MED12: variants seen among roughly 807,000 people sequenced by gnomAD.
MED12 encodes mediator of RNA polymerase II transcription subunit 12.
Under a neutral mutation model 177.7 loss-of-function variants are expected in MED12, and 10 were observed. The observed-to-expected ratio is 0.06, with a 90% CI of 0.03 to 0.10. MED12 has a LOEUF of 0.10. MED12 is among the 10% of genes least tolerant of loss of function. The pLI is 1.00. For synonymous variants in MED12, 641 were observed against 678.4 expected, an observed-to-expected ratio of 0.94 and a Z score of 0.86; for missense variants, 867 against 1,780.8, an observed-to-expected ratio of 0.49 and a Z score of 9.23.
At position 71,135,169 on chromosome X, in the gene MED12, T is replaced by C. The variant is rs753148075; in HGVS notation, c.4941T>C (p.Asp1647=). ...TGCCACTGCCCAAGCAGACCCGAGA[T>C]GTCATCACGTGTGAGCCACAGGGCT... ...QLLPLPKQTR[D]VITCEPQGSL... Residue 1647 remains aspartate (D), a synonymous_variant, in exon 36 of 45, where the codon GAT becomes GAC. Transcript: ENST00000374080. 16 of 1,209,668 alleles carry C rather than the reference T, an allele frequency of 1.3e-5. No homozygotes were observed. Among genetic ancestry groups the C allele is most frequent in the Non-Finnish European group, 1.8e-5 (16 of 895,066 alleles).
chrX:71,127,347 T>C lies in MED12; in HGVS notation c.2861T>C (p.Val954Ala). 8.3e-7 allele frequency: 1 copy of C among 1,211,523 alleles called. No homozygotes were observed. Among genetic ancestry groups the C allele is most frequent in the Non-Finnish European group, 1.1e-6 (1 of 895,361 alleles). The change falls in exon 21 of 45, where the codon GTC becomes GCC. Residue 954 changes from valine (V) to alanine (A), a missense_variant. Val to Ala is a moderately conservative substitution (Grantham distance 64). This residue lies in a region of MED12 where 70 missense variants were observed against 143.6 expected (regional missense o/e 0.49). Transcript: ENST00000374080. ...GCTTCTTCATGCAGGCTGTGTGGCG[T>C]CGTGAAGCATGGGATGAACCGGTCC... ...MAQVFEGLCG[V>A]VKHGMNRSDG...
chrX:71,129,968 A>T, intron 27 of MED12, 67 bp from the exon 28 acceptor site: 2 of 1,179,155 alleles, frequency 1.7e-6, no homozygotes, highest in Non-Finnish European at 2.3e-6. Context: ...TAACAACTCC[A>T]GCCCATCCCC....
intron 13 of MED12, 88 bp downstream of exon 13, chrX:71,124,476 T>C: frequency 1.3e-6 from 1 of 742,405 alleles, no homozygotes; most frequent in African/African-American, 2.1e-5. Flanking sequence ...CTCTTTTGCC[T>C]GGGGGAGGGG....
intron 24 of MED12, 44 bp from the exon 25 acceptor site, chrX:71,129,070 A>T (rs773786523): frequency 9.5e-7 from 1 of 1,053,315 alleles, no homozygotes; most frequent in Admixed American, 2.2e-5. Flanking sequence ...ACCCACATAC[A>T]GTTTAACTTC....
rs201807437 is a variant in MED12, at chrX:71,128,115, C to T, written c.3204C>T (p.Pro1068=). 1.7e-3 allele frequency: 2,034 copies of T among 1,206,174 alleles called. 1 individual carries two copies. Among genetic ancestry groups the T allele is most frequent in the Non-Finnish European group, 2.1e-3 (1,834 of 892,367 alleles). ...ACGTCTGTGTGGGGCACCATGATCCCGATAGGTATGGGGTGTACTGAGTGA... is the reference window on the plus strand; with the variant it reads ...ACGTCTGTGTGGGGCACCATGATCCTGATAGGTATGGGGTGTACTGAGTGA... The part of the protein sequence containing the change: ...LMHVCVGHHD[P]DRVNDIAILC... Residue 1068 remains proline (P), a synonymous_variant, in exon 22 of 45, where the codon CCC becomes CCT. Coordinates refer to ENST00000374080, the MANE Select transcript of MED12 (RefSeq NM_005120.3).
In MED12 at chrX:71,125,901, C is replaced by T. The variant is rs770091625; in HGVS notation, c.2423-135C>T. The T allele has an allele frequency of 1.0e-3, 570 of 550,203 alleles. 2 individuals are homozygous for T. Among genetic ancestry groups the T allele is most frequent in the Non-Finnish European group, 1.6e-3 (515 of 317,388 alleles). 45.3% of individuals were successfully genotyped at this position (550,203 alleles called of 1,213,427 possible). On this transcript the variant is annotated intron_variant, in intron 17 of 44. Coordinates refer to ENST00000374080, the MANE Select transcript of MED12 (RefSeq NM_005120.3). ...ACCCTCCCTTCCCTGTTTCCCTCTT[C>T]CTTCCTTCCCTCCCTCCCTCCTTCC...
In MED12 at chrX:71,126,126, A is replaced by G. The variant is rs1225769580; in HGVS notation, c.2513A>G (p.His838Arg). 1 of 1,207,799 alleles carries G rather than the reference A, an allele frequency of 8.3e-7. No homozygotes were observed. The highest frequency in any genetic ancestry group is 1.7e-5 in the African/African-American group (1 of 57,147). ...DIFAKFQHLSHYDQHQVTAQV... is the reference protein window; with the variant it reads ...DIFAKFQHLSRYDQHQVTAQV... Reference sequence around the variant, plus strand: ...TTTGCTAAGTTCCAGCACCTTTCACATTATGACCAACACCAGGTCACGGCT... The same window carrying G: ...TTTGCTAAGTTCCAGCACCTTTCACGTTATGACCAACACCAGGTCACGGCT... The change falls in exon 18 of 45, where the codon CAT becomes CGT. Residue 838 changes from histidine (H) to arginine (R), a missense_variant. By Grantham distance (29) the His-to-Arg change is conservative (BLOSUM62 0). Coordinates refer to ENST00000374080, the MANE Select transcript of MED12 (RefSeq NM_005120.3).
chrX:71,140,731 C>T lies in MED12; in HGVS notation c.6141C>T (p.Ile2047=). 8.3e-7 allele frequency: 1 copy of T among 1,209,077 alleles called. No individual in the cohort carries two copies. The highest frequency in any genetic ancestry group is 1.1e-6 in the Non-Finnish European group (1 of 894,807). ...GVQAGVRSTA[I]LPEQQQQQQQ... ...AGGCAGGCGTCCGTTCAACAGCCAT[C>T]CTACCTGAGCAGCAGCAGCAGCAGC... Residue 2047 remains isoleucine (I), a synonymous_variant, in exon 42 of 45, where the codon ATC becomes ATT. Coordinates refer to ENST00000374080, the MANE Select transcript of MED12 (RefSeq NM_005120.3).
chrX:71,128,926 C>T (rs896511454), intron 24 of MED12, 188 bp from the exon 25 acceptor site: 1 of 567,199 alleles, frequency 1.8e-6, no homozygotes, highest in Non-Finnish European at 2.9e-6. Flanking sequence ...ATTTCTGACC[C>T]TTCAACTGCG....
intron 39 of MED12, 83 bp downstream of exon 39, chrX:71,137,466 A>T (rs1325894536): frequency 8.6e-7 from 1 of 1,157,002 alleles, no homozygotes; most frequent in Non-Finnish European, 1.2e-6. Context: ...GACACTTGGG[A>T]TCTTCACAAG....
intron 41 of MED12, 73 bp downstream of exon 41, chrX:71,138,016 C>T: frequency 9.5e-7 from 1 of 1,047,460 alleles, no homozygotes; most frequent in Non-Finnish European, 1.3e-6. Context: ...AAAGCCTGTG[C>T]CTGAAAGTGG....
In MED12 at chrX:71,137,649, A is replaced by AT. The variant is rs1180913397; in HGVS notation, c.5826+16dup. Reference sequence around the variant, plus strand: ...CAGACTTCCCAGGTAAGAGCCTGGGATTGTGAGACTAGGGGGATGAGGCAA... The same window carrying AT: ...CAGACTTCCCAGGTAAGAGCCTGGGATTTGTGAGACTAGGGGGATGAGGCAA... On this transcript the variant is annotated intron_variant, in intron 40 of 44. Transcript: ENST00000374080. The AT allele has an allele frequency of 8.3e-7, 1 of 1,205,202 alleles. No homozygotes were observed. Among genetic ancestry groups the AT allele is most frequent in the African/African-American group, 1.7e-5 (1 of 57,451 alleles).
In MED12 at chrX:71,136,298, C is replaced by A; in HGVS notation, c.5043C>A (p.Thr1681=). 1 of 1,211,515 alleles carries A rather than the reference C, an allele frequency of 8.3e-7. No homozygotes were observed. Among genetic ancestry groups the A allele is most frequent in the Non-Finnish European group, 1.1e-6 (1 of 895,479 alleles). The change falls in exon 37 of 45, where the codon ACC becomes ACA. Residue 1681 remains threonine, a synonymous_variant. Transcript: ENST00000374080. Reference sequence around the variant, plus strand: ...TGGAGCAGGGTCTACAGGTTTCCACCAAACAGAAGATCTCGCCCTGGGATC... The same window carrying A: ...TGGAGCAGGGTCTACAGGTTTCCACAAAACAGAAGATCTCGCCCTGGGATC... ...IFKKEGLQVS[T]KQKISPWDLF...
At chrX:71,124,631 G>A in intron 13 of MED12, 133 bp from the exon 14 acceptor site, 1 of 568,630 alleles carries the variant, frequency 1.8e-6, no homozygotes, top group Non-Finnish European at 3.0e-6. Context: ...TAAGTGATTG[G>A]ATGAGGCTTG....
intron 13 of MED12, 58 bp downstream of exon 13, chrX:71,124,446 T>C (rs2092297614): frequency 1.0e-6 from 1 of 967,621 alleles, no homozygotes; most frequent in Non-Finnish European, 1.4e-6. Context: ...TCTTCATGGC[T>C]CCCAGGGGCC....
rs749807888 is a variant in MED12, at chrX:71,141,286, G to A, written c.6324G>A (p.Gln2108=). 1 of 1,160,764 alleles carries A rather than the reference G, an allele frequency of 8.6e-7. No individual in the cohort carries two copies. Among genetic ancestry groups the A allele is most frequent in the Middle Eastern group, 2.4e-4 (1 of 4,252 alleles). ...AGCAGCAGCAACAGCAACAGCAGCA[G>A]CAGCAACAGCAACAACAGCAACACC... ...QQQQQQQQQQ[Q]QQQQQQQHQQ... The change falls in exon 43 of 45, where the codon CAG becomes CAA. Residue 2108 remains glutamine (Q), a synonymous_variant. Transcript: ENST00000374080.
chrX:71,122,815 T>C lies in MED12; in HGVS notation c.1426T>C (p.Ser476Pro). The C allele has an allele frequency of 8.3e-7, 1 of 1,211,073 alleles. No homozygotes were observed. The highest frequency in any genetic ancestry group is 1.1e-6 in the Non-Finnish European group (1 of 894,959). ...TTTTGAACGCTCTGACTTCAGCAAC[T>C]CTCTTGACTCCCTTTGTAACCGAAT... ...HSFERSDFSN[S>P]LDSLCNRIFG... The change falls in exon 10 of 45, where the codon TCT becomes CCT. Residue 476 changes from serine to proline, a missense_variant. Ser to Pro is a moderately conservative substitution (Grantham distance 74). Around this residue, in one of 14 missense-constraint regions of MED12, gnomAD observed 309 missense variants for 556.3 expected, o/e 0.56. Transcript: ENST00000374080.
At position 71,134,025 on chromosome X, in the gene MED12, C is replaced by G. The variant is rs1003805260; in HGVS notation, c.4618-332C>G. On this transcript the variant is annotated intron_variant, in intron 33 of 44. Coordinates refer to ENST00000374080, the MANE Select transcript of MED12 (RefSeq NM_005120.3). ...TGGGCGGATCACGAGGTCAGGAGAT[C>G]GAGACCATCCTGGTTAACACGATGA... Among the ~76,000 whole-genome samples, 2 of 109,513 alleles carry G rather than the reference C, an allele frequency of 1.8e-5. 1 individual carries two copies. Among genetic ancestry groups the G allele is most frequent in the Admixed American group, 1.9e-4 (2 of 10,308 alleles).
intron 23 of MED12, 34 bp downstream of exon 23, chrX:71,128,474 A>G: frequency 8.3e-7 from 1 of 1,210,655 alleles, no homozygotes; most frequent in Non-Finnish European, 1.1e-6. Flanking sequence ...CTAGTGGGGC[A>G]GTGACCAGGG....
Sources: gnomAD v4.1 joint callset for allele counts (sites outside exome capture counted in the v4.1 genomes callset) on GRCh38, gnomAD v4.1.1 for gene constraint, gnomAD v4.1.1 regional missense constraint, MANE v1.5 for transcripts, NCBI Gene and HGNC (gene_info 2026-07-23, HGNC 2026-07-21) for gene names.